The following SLC4A10 variants were observed in gnomAD, a reference collection of about 807,000 sequenced individuals.
The protein encoded by SLC4A10 is solute carrier family 4 member 10.
In SLC4A10, 42 loss-of-function variants were observed where a neutral mutation model predicts 137.7. The observed-to-expected ratio is 0.30, with a 90% CI of 0.24 to 0.39. The LOEUF is 0.39. SLC4A10 is among the 10% of genes least tolerant of loss of function. SLC4A10 has a pLI of 1.00. For missense variants in SLC4A10, 925 were observed against 1,355.0 expected (o/e 0.68, Z 4.98); for synonymous variants, 474 against 464.1 (o/e 1.02, Z -0.27).
intron 15 of SLC4A10, among the ~76,000 whole-genome samples, chr2:161,916,127 G>A (rs1575623254): frequency 6.6e-6 from 1 of 152,150 alleles, no homozygotes; most frequent in East Asian, 1.9e-4. Flanking sequence ...ATAAATTTCA[G>A]TTTTTAAGCC....
At chr2:161,817,721 A>G (rs542663682) in intron 3 of SLC4A10, among the ~76,000 whole-genome samples, 2 of 152,238 alleles carry the variant, frequency 1.3e-5, no homozygotes, top group South Asian at 4.2e-4. Context: ...TCCCAGCACC[A>G]TTTATTAAAT....
Position 161,815,370 on chromosome 2 carries a change from T to TGCTC in SLC4A10, c.277+10784_277+10787dup, listed in dbSNP as rs1376863310. ...TTATAAGGCAGTGTTCCCAGCTCTT[T>TGCTC]GCTCGCTCGCTCTTCTGCCGCCTTG... On this transcript the variant is annotated intron_variant, in intron 3 of 26. Coordinates refer to ENST00000446997, the MANE Select transcript of SLC4A10 (RefSeq NM_001178015.2). Among the ~76,000 whole-genome samples, 3 of 152,140 alleles carry TGCTC rather than the reference T, an allele frequency of 2.0e-5. 1 individual carries two copies. The South Asian group carries it at 6.2e-4, about 31-fold the overall frequency.
intron 6 of SLC4A10, among the ~76,000 whole-genome samples, chr2:161,867,299 T>C (rs891241408): frequency 6.6e-6 from 1 of 152,028 alleles, no homozygotes; most frequent in Non-Finnish European, 1.5e-5. Context: ...TAGATATATA[T>C]GCTTTCTTGC....
chr2:161,886,583 A>G (rs1260464339), intron 10 of SLC4A10, among the ~76,000 whole-genome samples: 1 of 152,180 alleles, frequency 6.6e-6, no homozygotes, highest in African/African-American at 2.4e-5. Flanking sequence ...TCAGTGTGAC[A>G]TTATTGAAAA....
Position 161,974,276 on chromosome 2 carries a change from G to GTAC in SLC4A10, c.3187_3188insTAC (p.Asp1063delinsValHis). ...AGAACAAAGTATGCTAGCTATGGAA[G>GTAC]ATGAGGGCACAGTACAACTCCCATT... On this transcript the variant is annotated protein_altering_variant, in exon 24 of 27. Coordinates refer to ENST00000446997, the MANE Select transcript of SLC4A10 (RefSeq NM_001178015.2). 6.2e-7 allele frequency: 1 copy of GTAC among 1,608,614 alleles called. No individual in the cohort carries two copies.
chr2:161,731,289 T>G (rs1327849314), intron 1 of SLC4A10, among the ~76,000 whole-genome samples: 2 of 152,184 alleles, frequency 1.3e-5, no homozygotes, highest in Non-Finnish European at 2.9e-5. Flanking sequence ...TTTTTTATAA[T>G]GCTTGTTAAA....
At chr2:161,626,383 A>T (rs1162677036) in intron 1 of SLC4A10, among the ~76,000 whole-genome samples, 5 of 152,184 alleles carry the variant, frequency 3.3e-5, no homozygotes, top group African/African-American at 1.2e-4. Flanking sequence ...CAGAGAAAAT[A>T]CAAGTCTTTC....
rs76151082 is a variant in SLC4A10, at chr2:161,947,815, C to A, written c.2265+88C>A. 2,288 of 1,423,626 alleles carry A rather than the reference C, an allele frequency of 1.6e-3. 25 individuals are homozygous for A. In the African/African-American group the frequency reaches 0.029, roughly 18 times the overall value. The allele number at this position is 1,423,626 out of a possible 1,614,324, so 88.2% of individuals were successfully genotyped here. On this transcript the variant is annotated intron_variant, in intron 17 of 26. Transcript: ENST00000446997. ...TGTAATAAAAGGAGCCACTGAAAGG[C>A]TTTTGTGTGAGTGAGCTGCCAGGTT...
At chr2:161,914,032 T>C (rs559440681) in intron 15 of SLC4A10, among the ~76,000 whole-genome samples, 5 of 152,290 alleles carry the variant, frequency 3.3e-5, no homozygotes, top group African/African-American at 1.2e-4. Flanking sequence ...CTTAGAGACA[T>C]TGCTAATGGA....
At chr2:161,882,025 T>G (rs1178932241) in intron 9 of SLC4A10, among the ~76,000 whole-genome samples, 1 of 151,926 alleles carries the variant, frequency 6.6e-6, no homozygotes, top group African/African-American at 2.4e-5. Context: ...TCTAATCAGA[T>G]TTTACTTTTC....
intron 1 of SLC4A10, among the ~76,000 whole-genome samples, chr2:161,626,804 T>A (rs1393226656): frequency 6.6e-6 from 1 of 152,112 alleles, no homozygotes; most frequent in East Asian, 1.9e-4. Flanking sequence ...TTTTAAAAAT[T>A]CAATATTTTT....
chr2:161,750,601 T>C (rs946444277), intron 1 of SLC4A10, among the ~76,000 whole-genome samples: 1 of 151,878 alleles, frequency 6.6e-6, no homozygotes, highest in South Asian at 2.1e-4. Context: ...AGATACTTGG[T>C]ATAATTTGTC....
At chr2:161,657,090 A>T (rs1255428965) in intron 1 of SLC4A10, among the ~76,000 whole-genome samples, 1 of 146,036 alleles carries the variant, frequency 6.8e-6, no homozygotes, top group African/African-American at 2.5e-5. Flanking sequence ...AGCAAGCTTT[A>T]ATAATAAACA....
intron 15 of SLC4A10, among the ~76,000 whole-genome samples, chr2:161,906,294 G>A (rs1343619447): frequency 6.6e-6 from 1 of 152,040 alleles, no homozygotes; most frequent in Non-Finnish European, 1.5e-5. Context: ...AGAGCAATAA[G>A]GTAAAATAAA....
At chr2:161,766,953 C>G (rs1331425924) in intron 1 of SLC4A10, among the ~76,000 whole-genome samples, 1 of 150,814 alleles carries the variant, frequency 6.6e-6, no homozygotes, top group Non-Finnish European at 1.5e-5. Context: ...TATCTTTCCA[C>G]TATGTATTTT....
chr2:161,787,835 T>C (rs1012559877), intron 2 of SLC4A10, among the ~76,000 whole-genome samples: 1 of 152,200 alleles, frequency 6.6e-6, no homozygotes, highest in Admixed American at 6.5e-5. Flanking sequence ...TTTCTTTGTA[T>C]TGGTTTTCAA....
intron 3 of SLC4A10, among the ~76,000 whole-genome samples, chr2:161,822,808 C>T (rs1193086935): frequency 6.6e-6 from 1 of 152,088 alleles, no homozygotes; most frequent in Non-Finnish European, 1.5e-5. Context: ...AACCTCCTCT[C>T]TGCTAAAAAT....
At position 161,976,906 on chromosome 2, in the gene SLC4A10, A is replaced by G. The variant is rs1200930670; in HGVS notation, c.3344+30A>G. 6 of 1,180,734 alleles carry G rather than the reference A, an allele frequency of 5.1e-6. 1 individual carries two copies. Among genetic ancestry groups the G allele is most frequent in the Non-Finnish European group, 7.2e-6 (6 of 833,166 alleles). 73.1% of individuals were successfully genotyped at this position (1,180,734 alleles called of 1,614,324 possible). The stretch of plus-strand genomic sequence containing the variant: ...GGATTTTAAAATAATGAGAATTTAT[A>G]CTAATTCCAATTGTTTTTTGACATA... On this transcript the variant is annotated intron_variant, in intron 25 of 26. Coordinates refer to ENST00000446997, the MANE Select transcript of SLC4A10 (RefSeq NM_001178015.2).
Position 161,976,865 on chromosome 2 carries a change from T to C in SLC4A10, c.3333T>C (p.Phe1111=). 6.3e-7 allele frequency: 1 copy of C among 1,578,116 alleles called. No homozygotes were observed. Among genetic ancestry groups the C allele is most frequent in the Non-Finnish European group, 8.6e-7 (1 of 1,160,288 alleles). ...ACTCAAAAGATAAGGAGTCAAGCTTTCCTTCCAAAAGGTTTGGATTTTAAA... is the reference window on the plus strand; with the variant it reads ...ACTCAAAAGATAAGGAGTCAAGCTTCCCTTCCAAAAGGTTTGGATTTTAAA... ...ADNSKDKESS[F]PSKSSPS Residue 1111 remains phenylalanine, a synonymous_variant, in exon 25 of 27, where the codon TTT becomes TTC. Transcript: ENST00000446997.
Sources: gnomAD v4.1 joint callset for allele counts (sites outside exome capture counted in the v4.1 genomes callset) on GRCh38, gnomAD v4.1.1 for gene constraint, MANE v1.5 for transcripts, NCBI Gene and HGNC (gene_info 2026-07-23, HGNC 2026-07-21) for gene names.